LRRC37A2: variants seen among roughly 807,000 people sequenced by gnomAD.
The protein encoded by LRRC37A2 is leucine-rich repeat-containing protein 37A2.
A neutral mutation model predicts 68.8 loss-of-function variants in LRRC37A2; 9 were observed. The ratio of observed to expected loss-of-function variants is 0.13; its 90% CI spans 0.08 to 0.23. LRRC37A2 has a LOEUF of 0.23. Among genes scored for constraint, LRRC37A2 ranks in the 10% least tolerant of loss-of-function variants. The pLI is 1.00. For synonymous variants in LRRC37A2, 63 were observed against 367.6 expected (o/e 0.17, Z 9.48); for missense variants, 168 against 950.4 (o/e 0.18, Z 10.82).
the LRRC37A2 span, chr17:46,773,932 A>G: frequency 6.2e-7 from 1 of 1,608,308 alleles, no homozygotes; most frequent in Non-Finnish European, 8.5e-7. Flanking sequence ...AGAGGGTAGT[A>G]ACACTGTGGG....
the LRRC37A2 span, chr17:46,978,669 GC>G: frequency 6.2e-7 from 1 of 1,608,802 alleles, no homozygotes; most frequent in Non-Finnish European, 8.5e-7. Flanking sequence ...GGATGGCTGC[GC>G]CCACGTCCTT....
the LRRC37A2 span, among the ~76,000 whole-genome samples, chr17:46,728,481 G>A: frequency 2.4e-4 from 36 of 151,728 alleles, no homozygotes; most frequent in African/African-American, 8.7e-4. Flanking sequence ...TTATAGAGCC[G>A]AGTACAGTGG....
chr17:47,037,225 G>T, the LRRC37A2 span, among the ~76,000 whole-genome samples: 1 of 151,870 alleles, frequency 6.6e-6, no homozygotes, highest in Non-Finnish European at 1.5e-5. Context: ...AGGAGGTGGA[G>T]GTTGCAGTAA....
chr17:46,990,213 G>A, the LRRC37A2 span, among the ~76,000 whole-genome samples: 1 of 152,174 alleles, frequency 6.6e-6, no homozygotes, highest in Non-Finnish European at 1.5e-5. Flanking sequence ...AGACACAGAA[G>A]AGTCAAAACA....
the LRRC37A2 span, chr17:47,033,508 T>C: frequency 1.6e-6 from 1 of 626,198 alleles, no homozygotes; most frequent in Admixed American, 2.8e-5. Flanking sequence ...CAGTTTTCCC[T>C]GACAGCCTTG....
the LRRC37A2 span, among the ~76,000 whole-genome samples, chr17:46,956,009 C>T: frequency 6.6e-6 from 1 of 152,166 alleles, no homozygotes; most frequent in Non-Finnish European, 1.5e-5. Flanking sequence ...GAAAATCTTT[C>T]CATGCCCCAT....
the LRRC37A2 span, among the ~76,000 whole-genome samples, chr17:46,848,999 G>A: frequency 6.6e-6 from 1 of 152,092 alleles, no homozygotes; most frequent in Non-Finnish European, 1.5e-5. Context: ...TTAGCAAGAA[G>A]GAGCTATTAT....
At chr17:46,794,997 C>T in the LRRC37A2 span, among the ~76,000 whole-genome samples, 174 of 152,058 alleles carry the variant, frequency 1.1e-3, no homozygotes, top group Non-Finnish European at 1.8e-3. Flanking sequence ...GTGATCTGCC[C>T]GCCTCGGCCT....
At chr17:47,014,218 C>T in the LRRC37A2 span, among the ~76,000 whole-genome samples, 4 of 151,830 alleles carry the variant, frequency 2.6e-5, no homozygotes, top group South Asian at 6.3e-4. Context: ...GGTGAAACCC[C>T]GTCTCTACTA....
chr17:46,728,989 G>T, the LRRC37A2 span: 47 of 1,069,686 alleles, frequency 4.4e-5, no homozygotes, highest in Admixed American at 5.4e-4. Flanking sequence ...TCAGTAAATC[G>T]CATATAATGA....
chr17:47,004,285 G>C, the LRRC37A2 span, among the ~76,000 whole-genome samples: 10 of 152,168 alleles, frequency 6.6e-5, no homozygotes, highest in Non-Finnish European at 1.5e-4. Context: ...AGATCCTTAA[G>C]GAATCGCCAC....
chr17:46,955,947 C>T, the LRRC37A2 span, among the ~76,000 whole-genome samples: 1 of 152,310 alleles, frequency 6.6e-6, no homozygotes, highest in African/African-American at 2.4e-5. Context: ...ACTCTAATTC[C>T]TTATCCCATT....
At chr17:47,024,698 C>T in the LRRC37A2 span, 10 of 856,684 alleles carry the variant, frequency 1.2e-5, no homozygotes, top group Non-Finnish European at 1.8e-5. Flanking sequence ...GAGAAAATAA[C>T]TTGACTGAAT....
the LRRC37A2 span, among the ~76,000 whole-genome samples, chr17:47,024,254 A>G: frequency 1.1e-4 from 17 of 152,144 alleles, no homozygotes; most frequent in South Asian, 2.1e-4. Context: ...TAGTTCTCCA[A>G]TTTTTTTGAT....
At chr17:46,908,585 A>T in the LRRC37A2 span, among the ~76,000 whole-genome samples, 1 of 152,090 alleles carries the variant, frequency 6.6e-6, no homozygotes, top group East Asian at 1.9e-4. Context: ...CACCCTGGGG[A>T]CTGCTGTGAG....
the LRRC37A2 span, chr17:46,932,225 G>C: frequency 4.3e-6 from 7 of 1,613,542 alleles, no homozygotes; most frequent in Non-Finnish European, 5.9e-6. Context: ...GGTGAGGGTC[G>C]GCCTGCACTT....
At chr17:46,920,665 C>A in the LRRC37A2 span, among the ~76,000 whole-genome samples, 6 of 152,178 alleles carry the variant, frequency 3.9e-5, no homozygotes, top group Admixed American at 2.0e-4. Flanking sequence ...TTCATTAAGT[C>A]TCTCCTAAAT....
the LRRC37A2 span, among the ~76,000 whole-genome samples, chr17:46,797,008 TG>T: frequency 3.3e-5 from 5 of 151,984 alleles, no homozygotes; most frequent in African/African-American, 9.7e-5. Flanking sequence ...ATTTTCCAAA[TG>T]GGGGAAAATG....
chr17:46,739,227 C>T, the LRRC37A2 span, among the ~76,000 whole-genome samples: 6 of 152,030 alleles, frequency 3.9e-5, no homozygotes, highest in Non-Finnish European at 7.4e-5. Context: ...AAAAATTAGC[C>T]AGGCATGGTG....
Sources: gnomAD v4.1 joint callset for allele counts (sites outside exome capture counted in the v4.1 genomes callset) on GRCh38, gnomAD v4.1.1 for gene constraint, MANE v1.5 for transcripts, NCBI Gene and HGNC (gene_info 2026-07-23, HGNC 2026-07-21) for gene names.